Variants in RBFOX1 observed in about 807,000 individuals in gnomAD.
RBFOX1 encodes the protein RNA binding fox-1 homolog 1, also known as RNA binding protein fox-1 homolog 1.
RBFOX1 carries 8 observed loss-of-function variants against 57.7 expected under a neutral mutation model. That is an observed-to-expected ratio of 0.14 (90% CI 0.08 to 0.25). The LOEUF (loss-of-function observed/expected upper bound fraction) is 0.25. Ranked by LOEUF, RBFOX1 falls within the 10% of genes least tolerant of loss-of-function variation. RBFOX1 has a pLI of 1.00. For synonymous variants in RBFOX1, 326 were observed against 222.4 expected (o/e 1.47, Z -4.15); for missense variants, 611 against 548.5 (o/e 1.11, Z -1.14).
chr16:6,183,307 T>C (rs4786833), intron 1 of RBFOX1, among the ~76,000 whole-genome samples: 69,941 of 151,254 alleles, frequency 0.46, 16,731 homozygotes, highest in East Asian at 0.62. Flanking sequence ...GGTGAAACCC[T>C]GTCTCTACTA....
intron 4 of RBFOX1, among the ~76,000 whole-genome samples, chr16:7,125,908 C>T (rs569194807): frequency 6.6e-6 from 1 of 152,096 alleles, no homozygotes. Flanking sequence ...CATGGCAAAA[C>T]TCCATCTCTA....
chr16:7,129,679 G>C (rs919457388), intron 4 of RBFOX1, among the ~76,000 whole-genome samples: 4 of 152,078 alleles, frequency 2.6e-5, no homozygotes, highest in African/African-American at 9.7e-5. Context: ...GCAGAAAGGG[G>C]CAGAAATAGC....
chr16:6,274,272 T>A (rs2075551247), intron 1 of RBFOX1, among the ~76,000 whole-genome samples: 1 of 152,140 alleles, frequency 6.6e-6, no homozygotes, highest in Admixed American at 6.5e-5. Flanking sequence ...GCTTTATTCA[T>A]AATAGATAGA....
At chr16:7,551,779 C>T (rs759310508) in intron 5 of RBFOX1, among the ~76,000 whole-genome samples, 2 of 152,128 alleles carry the variant, frequency 1.3e-5, no homozygotes, top group Non-Finnish European at 2.9e-5. Flanking sequence ...TGAAATAGGC[C>T]ATGATGTCAA....
intron 3 of RBFOX1, among the ~76,000 whole-genome samples, chr16:6,727,893 A>G (rs1046274533): frequency 6.6e-6 from 1 of 152,130 alleles, no homozygotes; most frequent in African/African-American, 2.4e-5. Flanking sequence ...ACCTGATTCC[A>G]TTTTGAAATC....
At chr16:7,568,774 C>G (rs937104480) in intron 5 of RBFOX1, among the ~76,000 whole-genome samples, 17 of 148,506 alleles carry the variant, frequency 1.1e-4, no homozygotes, top group African/African-American at 4.0e-4. Flanking sequence ...GTAGTGCCAG[C>G]TACTTGGGAG....
At chr16:5,934,365 T>C (rs1457838538) in intron 4 of RBFOX1, among the ~76,000 whole-genome samples, 1 of 152,256 alleles carries the variant, frequency 6.6e-6, no homozygotes, top group African/African-American at 2.4e-5. Flanking sequence ...ATGGTTATTC[T>C]TTATGGCAGC....
chr16:5,515,591 C>T (rs761724277), intron 2 of RBFOX1, among the ~76,000 whole-genome samples: 7 of 152,204 alleles, frequency 4.6e-5, no homozygotes, highest in Non-Finnish European at 8.8e-5. Context: ...TCATTACTAC[C>T]TAATGGAAAA....
intron 4 of RBFOX1, among the ~76,000 whole-genome samples, chr16:7,273,792 C>G (rs1414226352): frequency 6.6e-6 from 1 of 152,150 alleles, no homozygotes; most frequent in African/African-American, 2.4e-5. Context: ...TTGTGTTGTT[C>G]ATAAACTTGT....
At chr16:5,305,918 G>A (rs1037177764) in intron 1 of RBFOX1, among the ~76,000 whole-genome samples, 13 of 152,120 alleles carry the variant, frequency 8.5e-5, no homozygotes, top group African/African-American at 2.9e-4. Flanking sequence ...TTAGCTTGAT[G>A]TGTGGCACAC....
At chr16:6,515,017 A>G (rs1399598325) in intron 2 of RBFOX1, among the ~76,000 whole-genome samples, 3 of 152,150 alleles carry the variant, frequency 2.0e-5, no homozygotes, top group African/African-American at 4.8e-5. Flanking sequence ...GTATTAGCAC[A>G]TCTTTGACAC....
chr16:6,592,239 T>C (rs961520830), intron 2 of RBFOX1, among the ~76,000 whole-genome samples: 1 of 152,208 alleles, frequency 6.6e-6, no homozygotes, highest in African/African-American at 2.4e-5. Flanking sequence ...CATTGGGCTT[T>C]CTTTTGTGTG....
intron 4 of RBFOX1, among the ~76,000 whole-genome samples, chr16:7,054,701 A>C (rs2153735175): frequency 6.6e-6 from 1 of 152,286 alleles, no homozygotes; most frequent in South Asian, 2.1e-4. Flanking sequence ...ACATCGTTGA[A>C]GGGTAACTGT....
chr16:7,099,544 C>T (rs927725086), intron 4 of RBFOX1, among the ~76,000 whole-genome samples: 1 of 152,120 alleles, frequency 6.6e-6, no homozygotes, highest in Admixed American at 6.5e-5. Flanking sequence ...TCTCAGTCAA[C>T]TTAGAAAGGT....
intron 1 of RBFOX1, among the ~76,000 whole-genome samples, chr16:5,347,323 T>A (rs2065161868): frequency 6.6e-6 from 1 of 152,174 alleles, no homozygotes; most frequent in African/African-American, 2.4e-5. Flanking sequence ...ATACAGTCGT[T>A]GCTCAACAAA....
At chr16:5,636,052 A>G (rs1420209814) in intron 3 of RBFOX1, among the ~76,000 whole-genome samples, 1 of 152,172 alleles carries the variant, frequency 6.6e-6, no homozygotes, top group Non-Finnish European at 1.5e-5. Flanking sequence ...CCATTTAAAA[A>G]AGAGAAAAAA....
chr16:6,740,562 C>G (rs987857327), intron 3 of RBFOX1, among the ~76,000 whole-genome samples: 1 of 152,178 alleles, frequency 6.6e-6, no homozygotes, highest in East Asian at 1.9e-4. Flanking sequence ...TATGAAATCA[C>G]ATTGCCAAAA....
At chr16:6,471,404 A>G (rs2095171540) in intron 2 of RBFOX1, among the ~76,000 whole-genome samples, 1 of 152,144 alleles carries the variant, frequency 6.6e-6, no homozygotes, top group African/African-American at 2.4e-5. Flanking sequence ...TTTCTATTAT[A>G]ATACTTGTTT....
At chr16:5,704,342 G>T (rs1424845146) in intron 3 of RBFOX1, among the ~76,000 whole-genome samples, 2 of 152,090 alleles carry the variant, frequency 1.3e-5, no homozygotes, top group Non-Finnish European at 2.9e-5. Context: ...AGTACTCTCT[G>T]CTTATCTCTC....
Sources: gnomAD v4.1 joint callset for allele counts (sites outside exome capture counted in the v4.1 genomes callset) on GRCh38, gnomAD v4.1.1 for gene constraint, MANE v1.5 for transcripts, NCBI Gene and HGNC (gene_info 2026-07-23, HGNC 2026-07-21) for gene names.